WDR70: variants seen among roughly 807,000 people sequenced by gnomAD.
The protein encoded by WDR70 is WD repeat-containing protein 70.
A neutral mutation model predicts 88.6 loss-of-function variants in WDR70; 53 were observed. The observed-to-expected ratio is 0.60, with a 90% CI of 0.48 to 0.75. WDR70 has a LOEUF of 0.75. Ranked by LOEUF, WDR70 falls within the 30% of genes least tolerant of loss-of-function variation. The pLI is 0.00. For missense variants in WDR70, 610 were observed against 823.2 expected, an observed-to-expected ratio of 0.74 and a Z score of 3.17; for synonymous variants, 280 against 270.0, an observed-to-expected ratio of 1.04 and a Z score of -0.36.
intron 10 of WDR70, among the ~76,000 whole-genome samples, chr5:37,675,636 G>A (rs1322534561): frequency 2.0e-5 from 3 of 152,214 alleles, no homozygotes; most frequent in East Asian, 3.9e-4. Context: ...GGTTACTGTA[G>A]CCTTGTACTA....
intron 7 of WDR70, among the ~76,000 whole-genome samples, chr5:37,464,947 G>A (rs529421191): frequency 6.6e-6 from 1 of 152,264 alleles, no homozygotes; most frequent in Non-Finnish European, 1.5e-5. Flanking sequence ...TGTTTAAAGG[G>A]TCCAAGTTCA....
intron 10 of WDR70, among the ~76,000 whole-genome samples, chr5:37,677,487 T>A (rs1466935089): frequency 3.3e-5 from 5 of 152,222 alleles, no homozygotes; most frequent in African/African-American, 1.2e-4. Flanking sequence ...TTCGTTTCGT[T>A]ATGTACCCAG....
At chr5:37,654,560 G>A (rs575932280) in intron 10 of WDR70, among the ~76,000 whole-genome samples, 2 of 152,200 alleles carry the variant, frequency 1.3e-5, no homozygotes, top group Admixed American at 6.5e-5. Flanking sequence ...GTCTCCCACT[G>A]TTATTGTGTG....
At chr5:37,567,556 AC>A (rs1271508485) in intron 9 of WDR70, among the ~76,000 whole-genome samples, 4 of 152,080 alleles carry the variant, frequency 2.6e-5, no homozygotes, top group African/African-American at 9.6e-5. Context: ...TCCATGAGCA[AC>A]CCCCCAAAGA....
intron 9 of WDR70, among the ~76,000 whole-genome samples, chr5:37,572,156 G>A (rs2112406286): frequency 6.6e-6 from 1 of 152,082 alleles, no homozygotes; most frequent in African/African-American, 2.4e-5. Flanking sequence ...AATACACATG[G>A]CCAGATTCCA....
chr5:37,490,448 C>T (rs1329879937), intron 8 of WDR70, among the ~76,000 whole-genome samples: 1 of 152,110 alleles, frequency 6.6e-6, no homozygotes, highest in Non-Finnish European at 1.5e-5. Context: ...ACATCTCAGT[C>T]TCTGGAGAGC....
chr5:37,597,925 A>T (rs977620112), intron 9 of WDR70, among the ~76,000 whole-genome samples: 7 of 152,268 alleles, frequency 4.6e-5, no homozygotes, highest in Non-Finnish European at 8.8e-5. Context: ...AGGGTGGTAG[A>T]CATTGTCCTT....
intron 7 of WDR70, among the ~76,000 whole-genome samples, chr5:37,473,243 T>C (rs1739381027): frequency 1.3e-5 from 2 of 152,152 alleles, no homozygotes; most frequent in African/African-American, 4.8e-5. Context: ...TCTTTTTTTT[T>C]TTAAATCAGT....
At chr5:37,459,432 A>G (rs532926680) in intron 7 of WDR70, among the ~76,000 whole-genome samples, 11 of 149,364 alleles carry the variant, frequency 7.4e-5, no homozygotes, top group African/African-American at 2.2e-4. Context: ...AAAACAAGCA[A>G]TGGGGAAAGG....
At chr5:37,547,778 A>G (rs935167880) in intron 9 of WDR70, among the ~76,000 whole-genome samples, 1 of 151,862 alleles carries the variant, frequency 6.6e-6, no homozygotes, top group Non-Finnish European at 1.5e-5. Flanking sequence ...AATCATCCCT[A>G]CCTCCTCCCT....
chr5:37,402,458 A>G (rs1392119279), intron 5 of WDR70, among the ~76,000 whole-genome samples: 7 of 152,070 alleles, frequency 4.6e-5, no homozygotes, highest in African/African-American at 1.7e-4. Flanking sequence ...TCCTTTGGAT[A>G]TATACTCATT....
intron 8 of WDR70, among the ~76,000 whole-genome samples, chr5:37,483,796 A>ACG (rs1462400917): frequency 6.8e-6 from 1 of 147,154 alleles, no homozygotes; most frequent in Non-Finnish European, 1.5e-5. Context: ...TCCCTCCCGG[A>ACG]CGGGGCGGCT....
At chr5:37,693,568 T>G (rs1000141242) in intron 10 of WDR70, among the ~76,000 whole-genome samples, 2 of 152,212 alleles carry the variant, frequency 1.3e-5, no homozygotes, top group African/African-American at 2.4e-5. Flanking sequence ...TACAACCATC[T>G]GATCTTTGAC....
rs180859243 is a variant in WDR70, at chr5:37,444,633, G to A, written c.686+1261G>A. On this transcript the variant is annotated intron_variant, in intron 7 of 17. Transcript: ENST00000265107. ...GCTGGGATTACAGGCATGAGCCACC[G>A]CGCCTGGCCCATAAGACACTCTCTT... Among the ~76,000 whole-genome samples the A allele has an allele frequency of 1.8e-3, 268 of 152,152 alleles. 1 individual carries two copies. Among genetic ancestry groups the A allele is most frequent in the Non-Finnish European group, 2.6e-3 (174 of 67,988 alleles).
At position 37,527,342 on chromosome 5, in the gene WDR70, A is replaced by G. The variant is rs571608480; in HGVS notation, c.917+10752A>G. 7.2e-5 allele frequency among the ~76,000 whole-genome samples: 11 copies of G among 152,308 alleles called. No homozygotes were observed. The South Asian group carries it at 2.3e-3, about 32-fold the overall frequency. ...GAAAGAATACCACACATCTACAACC[A>G]TCTGATCTTTGACAAACCTGACAAA... On this transcript the variant is annotated intron_variant, in intron 9 of 17. Coordinates refer to ENST00000265107, the MANE Select transcript of WDR70 (RefSeq NM_018034.4).
chr5:37,402,767 G>T (rs1320045402), intron 5 of WDR70, among the ~76,000 whole-genome samples: 2 of 151,574 alleles, frequency 1.3e-5, no homozygotes, highest in Non-Finnish European at 2.9e-5. Flanking sequence ...CCATATATTG[G>T]TACCTGTTAA....
At chr5:37,598,235 G>GT (rs33948943) in intron 9 of WDR70, among the ~76,000 whole-genome samples, 2 of 152,034 alleles carry the variant, frequency 1.3e-5, no homozygotes, top group African/African-American at 4.8e-5. Context: ...AATTATGATA[G>GT]TTTTTTTAAA....
At chr5:37,650,756 A>C (rs1745383426) in intron 10 of WDR70, among the ~76,000 whole-genome samples, 1 of 152,070 alleles carries the variant, frequency 6.6e-6, no homozygotes, top group Non-Finnish European at 1.5e-5. Context: ...ATGGGTATGG[A>C]GGGGAGAGCA....
intron 10 of WDR70, among the ~76,000 whole-genome samples, chr5:37,696,867 C>T (rs779978604): frequency 6.6e-6 from 1 of 152,148 alleles, no homozygotes; most frequent in African/African-American, 2.4e-5. Flanking sequence ...AAGTCTTTAA[C>T]TGTGTAGAAG....
Sources: allele counts gnomAD v4.1 joint callset (sites outside exome capture counted in the v4.1 genomes callset), GRCh38; gene constraint gnomAD v4.1.1; transcripts MANE v1.5; gene names NCBI Gene and HGNC (gene_info 2026-07-23, HGNC 2026-07-21).